Variants in STPG2 observed in about 807,000 individuals in gnomAD.
STPG2 encodes sperm tail PG-rich repeat containing 2, also known as sperm-tail PG-rich repeat-containing protein 2.
In STPG2, 56 loss-of-function variants were observed where a neutral mutation model predicts 54.2. That is an observed-to-expected ratio of 1.03 (90% confidence interval 0.83 to 1.29). STPG2 has a LOEUF of 1.29. Among genes scored for constraint, STPG2 ranks in the 50% most tolerant of loss-of-function variants. The probability of loss-of-function intolerance (pLI) is 0.00; values close to 1 mark genes in which losing one functional copy is unlikely to be tolerated. For missense variants in STPG2, 596 were observed against 544.9 expected, an observed-to-expected ratio of 1.09 and a Z score of -0.93; for synonymous variants, 200 against 181.8, an observed-to-expected ratio of 1.10 and a Z score of -0.81.
At chr4:98,001,474 T>C (rs1194260852) in intron 5 of STPG2, among the ~76,000 whole-genome samples, 1 of 152,060 alleles carries the variant, frequency 6.6e-6, no homozygotes, top group Non-Finnish European at 1.5e-5. Flanking sequence ...TCCTGCTCTT[T>C]ACAAGTCCAA....
chr4:97,785,231 A>T (rs1413951610), intron 9 of STPG2, among the ~76,000 whole-genome samples: 1 of 152,044 alleles, frequency 6.6e-6, no homozygotes, highest in African/African-American at 2.4e-5. Flanking sequence ...GCATATATTT[A>T]AAAACTGTTC....
chr4:97,846,397 C>G (rs547425092), intron 8 of STPG2, among the ~76,000 whole-genome samples: 1 of 151,836 alleles, frequency 6.6e-6, no homozygotes, highest in South Asian at 2.1e-4. Flanking sequence ...GAGGCCGAGG[C>G]GGTTGGATCA....
intron 3 of STPG2, among the ~76,000 whole-genome samples, chr4:98,115,242 A>G (rs564716711): frequency 1.3e-5 from 2 of 152,008 alleles, no homozygotes; most frequent in African/African-American, 4.8e-5. Context: ...GCAATAATTC[A>G]AACACTAATG....
chr4:97,845,707 C>G (rs549577703), intron 8 of STPG2, among the ~76,000 whole-genome samples: 1 of 152,166 alleles, frequency 6.6e-6, no homozygotes, highest in South Asian at 2.1e-4. Flanking sequence ...TTTGATAAAC[C>G]TCTGCATTAA....
At chr4:97,774,751 C>T (rs1726324391) in intron 9 of STPG2, among the ~76,000 whole-genome samples, 1 of 152,188 alleles carries the variant, frequency 6.6e-6, no homozygotes, top group Non-Finnish European at 1.5e-5. Context: ...ATAGTGTTGG[C>T]TCCACACTAG....
At chr4:98,137,612 C>G (rs1349757) in intron 1 of STPG2, among the ~76,000 whole-genome samples, 59,263 of 151,374 alleles carry the variant, frequency 0.39, 11,828 homozygotes, top group Middle Eastern at 0.45. Flanking sequence ...AATATGAAAA[C>G]TAAGAAAGTG....
chr4:97,522,048 A>C (rs182023728), intron 4 of STPG2, among the ~76,000 whole-genome samples: 1 of 150,030 alleles, frequency 6.7e-6, no homozygotes, highest in Admixed American at 6.8e-5. Context: ...ATAAAGCCTG[A>C]ATTTTGCTAT....
intron 10 of STPG2, among the ~76,000 whole-genome samples, chr4:97,710,335 G>A (rs1255715434): frequency 2.0e-5 from 3 of 151,808 alleles, no homozygotes; most frequent in East Asian, 3.9e-4. Context: ...AATCTACCTG[G>A]GGAACTCCAG....
intron 10 of STPG2, among the ~76,000 whole-genome samples, chr4:97,631,084 A>C (rs1721261381): frequency 6.6e-6 from 1 of 151,888 alleles, no homozygotes; most frequent in Non-Finnish European, 1.5e-5. Flanking sequence ...ATTGTTTCTG[A>C]AACCAGACAC....
intron 9 of STPG2, among the ~76,000 whole-genome samples, chr4:97,748,944 T>C (rs1725499770): frequency 6.6e-6 from 1 of 151,568 alleles, no homozygotes; most frequent in African/African-American, 2.4e-5. Flanking sequence ...TGTTTTCAGC[T>C]ATTTCCCCAC....
intron 4 of STPG2, among the ~76,000 whole-genome samples, chr4:97,510,815 T>G (rs1427333737): frequency 6.6e-6 from 1 of 152,116 alleles, no homozygotes; most frequent in Non-Finnish European, 1.5e-5. Flanking sequence ...AATATATAAT[T>G]AAAGCTGCTG....
At chr4:97,509,977 A>G (rs191486432) in intron 4 of STPG2, among the ~76,000 whole-genome samples, 64 of 152,166 alleles carry the variant, frequency 4.2e-4, no homozygotes, top group Admixed American at 3.5e-3. Flanking sequence ...TAATCCGTGG[A>G]AAAATTGTCT....
At chr4:97,836,212 A>G (rs2149117216) in intron 9 of STPG2, among the ~76,000 whole-genome samples, 1 of 152,148 alleles carries the variant, frequency 6.6e-6, no homozygotes, top group Middle Eastern at 3.4e-3. Context: ...GGGTCAATCA[A>G]TGTGGTTAAT....
chr4:97,643,134 A>T (rs1444694958), intron 10 of STPG2, among the ~76,000 whole-genome samples: 1 of 151,686 alleles, frequency 6.6e-6, no homozygotes, highest in Non-Finnish European at 1.5e-5. Context: ...AATGCATATT[A>T]TATGCCAGAA....
intron 8 of STPG2, among the ~76,000 whole-genome samples, chr4:97,906,961 C>T (rs1370880853): frequency 6.7e-6 from 1 of 150,182 alleles, no homozygotes. Context: ...TGGCACAAGA[C>T]AGGGATGCCC....
intron 9 of STPG2, among the ~76,000 whole-genome samples, chr4:97,830,039 A>G (rs1728401183): frequency 6.6e-6 from 1 of 152,018 alleles, no homozygotes; most frequent in African/African-American, 2.4e-5. Flanking sequence ...CAAAGATACT[A>G]CTCGAGAAGA....
intron 5 of STPG2, among the ~76,000 whole-genome samples, chr4:97,997,254 A>C (rs1735270465): frequency 6.6e-6 from 1 of 152,184 alleles, no homozygotes; most frequent in African/African-American, 2.4e-5. Context: ...GAAATTCTTG[A>C]GTAATTTATA....
chr4:98,087,515 A>G (rs112507166), intron 5 of STPG2, among the ~76,000 whole-genome samples: 1,753 of 151,240 alleles, frequency 0.012, 29 homozygotes, highest in African/African-American at 0.041. Flanking sequence ...TAAAATTCAG[A>G]TCAATATAAT....
intron 8 of STPG2, among the ~76,000 whole-genome samples, chr4:97,864,872 G>A (rs964014313): frequency 1.3e-5 from 2 of 152,094 alleles, no homozygotes; most frequent in Non-Finnish European, 2.9e-5. Flanking sequence ...ATGGTGCTGG[G>A]AAAACTGGCT....
Sources: gnomAD v4.1 joint callset for allele counts (sites outside exome capture counted in the v4.1 genomes callset) on GRCh38, gnomAD v4.1.1 for gene constraint, MANE v1.5 for transcripts, NCBI Gene and HGNC (gene_info 2026-07-23, HGNC 2026-07-21) for gene names.